Variants in ZNF195 observed in about 807,000 individuals in gnomAD.
ZNF195 encodes the protein hypoxia-regulated factor-1.
ZNF195 carries 11 observed loss-of-function variants against 19.5 expected under a neutral mutation model. That is an observed-to-expected ratio of 0.57 (90% CI 0.36 to 0.94). The LOEUF (loss-of-function observed/expected upper bound fraction) is 0.94, where lower values mean the gene tolerates loss of function less well. Among genes scored for constraint, ZNF195 ranks in the 40% least tolerant of loss-of-function variants. The pLI is 0.01. For missense variants in ZNF195, 582 were observed against 709.0 expected, an observed-to-expected ratio of 0.82 and a Z score of 2.03; for synonymous variants, 214 against 248.1, an observed-to-expected ratio of 0.86 and a Z score of 1.29.
At chr11:3,368,004 G>A (rs1329583571) in intron 3 of ZNF195, among the ~76,000 whole-genome samples, 1 of 151,976 alleles carries the variant, frequency 6.6e-6, no homozygotes, top group Admixed American at 6.6e-5. Context: ...CTTGAACCTG[G>A]GAGGTGGAGG....
chr11:3,368,696 G>A, intron 3 of ZNF195: 1 of 317,126 alleles, frequency 3.2e-6, no homozygotes, highest in Non-Finnish European at 6.5e-6. Flanking sequence ...ACAGTAGTAA[G>A]AACAGGATGG....
rs1443245151 is a variant in ZNF195 at position 3,360,710 on chromosome 11, G to A, written c.442+10C>T. 3.9e-6 allele frequency: 6 copies of A among 1,550,776 alleles called. No homozygotes were observed. Among genetic ancestry groups the A allele is most frequent in the East Asian group, 4.9e-5 (2 of 40,936 alleles). On this transcript the variant is annotated intron_variant, in intron 5 of 5. Coordinates refer to ENST00000399602, the MANE Select transcript of ZNF195 (RefSeq NM_001130520.3). ...CTAATTTCTGTATAAACATATAAAT[G>A]TAACAATACCTAGTGAGAAGATGCA...
chr11:3,371,005 T>C lies in ZNF195; in HGVS notation c.196A>G (p.Lys66Glu). 1 of 1,614,102 alleles carries C rather than the reference T, an allele frequency of 6.2e-7. No individual in the cohort carries two copies. The highest frequency in any genetic ancestry group is 8.5e-7 in the Non-Finnish European group (1 of 1,179,992). The stretch of plus-strand genomic sequence containing the variant: ...TGTCCGTCTGCTGCCTCCTGTCTCT[T>C]CACATTCCAGGGCTCTTTTCGTTGC... ...LEQRKEPWNV[K>E]RQEAADGHPE... The change falls in exon 3 of 6, where the codon AAG (lysine) becomes GAG (glutamate). Residue 66 changes from lysine to glutamate, a missense_variant. By Grantham distance (56) the Lys-to-Glu change is moderately conservative (BLOSUM62 1). Transcript: ENST00000399602.
chr11:3,371,550 G>A lies in ZNF195; in HGVS notation c.130+27C>T, dbSNP rs1469680468. ...GAAAGGAACTCTTTAGGGCATAGGA[G>A]GAACTACGTATTGAAGTTATCCTCA... is the stretch of plus-strand genomic sequence containing the variant. On this transcript the variant is annotated intron_variant, in intron 2 of 5. Coordinates refer to ENST00000399602, the MANE Select transcript of ZNF195 (RefSeq NM_001130520.3). The A allele has an allele frequency of 2.5e-6, 4 of 1,613,758 alleles. No individual in the cohort carries two copies. The African/African-American group carries it at 4.0e-5, about 16-fold the overall frequency.
In ZNF195 at chr11:3,359,522, A is replaced by G. The variant is rs1848526236; in HGVS notation, c.1486T>C (p.Cys496Arg). The G allele has an allele frequency of 1.2e-6, 2 of 1,614,054 alleles. No homozygotes were observed. The highest frequency in any genetic ancestry group is 1.7e-6 in the Non-Finnish European group (2 of 1,180,042). ...TTAAAGATGTTGCCACATTCTTCAC[A>G]CGTGTAGGGTTTTTCTTCAGAATGA... ...RTHSEEKPYT[C>R]EECGNIFKQL... The change falls in exon 6 of 6, where the codon TGT (cysteine) becomes CGT (arginine). Residue 496 changes from cysteine (C) to arginine (R), a missense_variant. Around this residue, in one of 3 missense-constraint regions of ZNF195, gnomAD observed 407 missense variants for 530.5 expected, o/e 0.77. Transcript: ENST00000399602. The surrounding 1 kb of genome is among the most constrained non-coding windows in gnomAD (Gnocchi z 5.5).
chr11:3,376,739 T>C (rs1267085943), intron 1 of ZNF195, among the ~76,000 whole-genome samples: 2 of 152,200 alleles, frequency 1.3e-5, no homozygotes, highest in Non-Finnish European at 2.9e-5. Flanking sequence ...TAGTAAACAA[T>C]CACATGTGAA....
chr11:3,376,264 A>C (rs1040012935), intron 1 of ZNF195, among the ~76,000 whole-genome samples: 4 of 152,022 alleles, frequency 2.6e-5, no homozygotes, highest in Non-Finnish European at 5.9e-5. Flanking sequence ...TAGCTAGGCC[A>C]GGGGTGTCCG....
intron 3 of ZNF195, among the ~76,000 whole-genome samples, chr11:3,369,746 CTGT>C (rs1186516216): frequency 6.6e-6 from 1 of 152,216 alleles, no homozygotes; most frequent in Non-Finnish European, 1.5e-5. Context: ...GGAAAATGAG[CTGT>C]TGTTCAAAAG....
At chr11:3,365,091 A>G (rs1243349919) in intron 3 of ZNF195, among the ~76,000 whole-genome samples, 1 of 152,246 alleles carries the variant, frequency 6.6e-6, no homozygotes, top group Non-Finnish European at 1.5e-5. Flanking sequence ...TACATTAACC[A>G]GGAACCTGTA....
chr11:3,360,585 T>G lies in ZNF195; in HGVS notation c.443-20A>C, dbSNP rs753661675. ...ACATAGCTGAAAAAAAAAAAAAAAG[T>G]TATCCGACTTACTAGACACAGATGA... On this transcript the variant is annotated intron_variant, in intron 5 of 5. Transcript: ENST00000399602. The G allele has an allele frequency of 1.9e-6, 3 of 1,543,128 alleles. No homozygotes were observed. Among genetic ancestry groups the G allele is most frequent in the East Asian group, 2.3e-5 (1 of 44,204 alleles).
chr11:3,358,792 T>C lies in ZNF195; in HGVS notation c.*326A>G, dbSNP rs192180259. 902 of 17,340 alleles carry C rather than the reference T, an allele frequency of 0.052. 7 individuals carry two copies. The highest frequency in any genetic ancestry group is 0.29 in the African/African-American group (819 of 2,804). 1.1% of individuals were successfully genotyped at this position (17,340 alleles called of 1,614,324 possible). On this transcript the variant is annotated 3_prime_UTR_variant, in exon 6 of 6. Coordinates refer to ENST00000399602, the MANE Select transcript of ZNF195 (RefSeq NM_001130520.3). ...TGCTTATTTTTCCCATTTAGTGTAT[T>C]TGCAAAATATCTTTTAGTATGAACT...
chr11:3,379,126 A>G lies in ZNF195; in HGVS notation c.-86T>C. The G allele has an allele frequency of 7.1e-7, 1 of 1,398,676 alleles. No individual in the cohort carries two copies. Among genetic ancestry groups the G allele is most frequent in the Admixed American group, 3.0e-5 (1 of 33,640 alleles). The allele number at this position is 1,398,676 out of a possible 1,614,324, so 86.6% of individuals were successfully genotyped here. On this transcript the variant is annotated 5_prime_UTR_variant, in exon 1 of 6. Transcript: ENST00000399602. Reference sequence around the variant, plus strand: ...ACGACCTACGGCTAGCAGGGGACACAGAGCCGCGGGGACAGGAAGTGGAGC... The same window carrying G: ...ACGACCTACGGCTAGCAGGGGACACGGAGCCGCGGGGACAGGAAGTGGAGC...
chr11:3,378,688 T>G (rs1464495130), intron 1 of ZNF195, among the ~76,000 whole-genome samples: 2 of 152,192 alleles, frequency 1.3e-5, no homozygotes, highest in East Asian at 3.9e-4. Flanking sequence ...TCTTTCACAT[T>G]TTTGCAAGGA....
rs775990484 is a variant in ZNF195 at position 3,360,420 on chromosome 11, C to T, written c.588G>A (p.Lys196=). ...RKDWESLDEC[K]LQKDYNGLNQ... ...TAAGTCCATTATAATCTTTTTGCAA[C>T]TTACACTCATCTAAACTTTCCCAGT... Residue 196 remains lysine, a synonymous_variant, in exon 6 of 6, where the codon AAG becomes AAA. Coordinates refer to ENST00000399602, the MANE Select transcript of ZNF195 (RefSeq NM_001130520.3). The T allele has an allele frequency of 1.2e-6, 2 of 1,612,814 alleles. No individual in the cohort carries two copies. The highest frequency in any genetic ancestry group is 1.7e-6 in the Non-Finnish European group (2 of 1,179,822).
intron 4 of ZNF195, among the ~76,000 whole-genome samples, chr11:3,361,011 G>C (rs1848608672): frequency 6.6e-6 from 1 of 152,200 alleles, no homozygotes. Context: ...GAGAGAAATG[G>C]TGGTACTCTG....
In ZNF195 at chr11:3,360,729, A is replaced by G; in HGVS notation, c.433T>C (p.Phe145Leu). The change falls in exon 5 of 6, where the codon TTC (phenylalanine) becomes CTC (leucine). Residue 145 changes from phenylalanine to leucine, a missense_variant. By Grantham distance (22) the Phe-to-Leu change is conservative. Transcript: ENST00000399602. ...VKWFLEFRCI[F>L]SLAMSSHFTQ... ...ATAAATGTAACAATACCTAGTGAGA[A>G]GATGCATCTGAACTCTAAAAACCAT... The G allele has an allele frequency of 1.3e-6, 2 of 1,551,670 alleles. No individual in the cohort carries two copies. The highest frequency in any genetic ancestry group is 1.7e-6 in the Non-Finnish European group (2 of 1,146,982).
chr11:3,367,861 C>T (rs1286779286), intron 3 of ZNF195, among the ~76,000 whole-genome samples: 7 of 152,074 alleles, frequency 4.6e-5, no homozygotes, highest in Admixed American at 1.3e-4. Flanking sequence ...CACCTGAGGT[C>T]GGGAGTTCGA....
intron 5 of ZNF195, 35 bp downstream of exon 5, chr11:3,360,685 C>G (rs1203537879): frequency 3.1e-5 from 48 of 1,547,192 alleles, no homozygotes; most frequent in Non-Finnish European, 4.0e-5. Flanking sequence ...ACCACAGGCC[C>G]TAATTTCTGT....
Position 3,359,076 on chromosome 11 carries a change from TACTA to T in ZNF195, c.*38_*41del, listed in dbSNP as rs780964811. On this transcript the variant is annotated 3_prime_UTR_variant, in exon 6 of 6. Transcript: ENST00000399602. The surrounding 1 kb of genome is among the most constrained non-coding windows in gnomAD (Gnocchi z 5.5). ...TGATGTAAAGTGGGATGCGAGCAGA[TACTA>T]ACGGCTTTGCCTATTTTTATATTTG... is the stretch of plus-strand genomic sequence containing the variant. The T allele has an allele frequency of 6.6e-7, 1 of 1,507,572 alleles. No individual in the cohort carries two copies. Among genetic ancestry groups the T allele is most frequent in the East Asian group, 2.3e-5 (1 of 44,050 alleles). 93.4% of individuals were successfully genotyped at this position (1,507,572 alleles called of 1,614,324 possible). A position where few individuals can be genotyped will look rare whatever the true frequency, so the allele number is the denominator to read the frequency against.
Sources: gnomAD v4.1 joint callset for allele counts (sites outside exome capture counted in the v4.1 genomes callset) on GRCh38, gnomAD v4.1.1 for gene constraint, gnomAD v4.1.1 regional missense constraint, Gnocchi (gnomAD v3.1) non-coding constraint, MANE v1.5 for transcripts, NCBI Gene and HGNC (gene_info 2026-07-23, HGNC 2026-07-21) for gene names.